MICAL3: variants seen among roughly 807,000 people sequenced by gnomAD.
MICAL3 encodes microtubule associated monooxygenase, calponin and LIM domain containing 3, also known as [F-actin]-monooxygenase MICAL3.
A neutral mutation model predicts 207.4 loss-of-function variants in MICAL3; 62 were observed. The ratio of observed to expected loss-of-function variants is 0.30; its 90% CI spans 0.24 to 0.37. The LOEUF is 0.37. MICAL3 is among the 10% of genes least tolerant of loss of function. The pLI is 1.00. For missense variants in MICAL3, 2,368 were observed against 2,635.6 expected (o/e 0.90, Z 2.22); for synonymous variants, 1,077 against 1,069.3 (o/e 1.01, Z -0.14).
At chr22:17,860,508 T>C (rs1231288844) in intron 19 of MICAL3, 4 of 985,344 alleles carry the variant, frequency 4.1e-6, no homozygotes, top group Middle Eastern at 5.2e-4. Context: ...AACCCCTTGG[T>C]GCCCTGCTCG....
rs145315722 is a variant in MICAL3 at position 17,796,020 on chromosome 22, G to A, written c.5651-4719C>T. Among the ~76,000 whole-genome samples the A allele has an allele frequency of 5.1e-4, 78 of 152,250 alleles. No homozygotes were observed. The highest frequency in any genetic ancestry group is 7.9e-4 in the Non-Finnish European group (54 of 68,014). On this transcript the variant is annotated intron_variant, in intron 29 of 31. Transcript: ENST00000441493. This position sits in a 1 kb window ranked among gnomAD's most constrained non-coding sequence, Gnocchi z 4.4. ...AGCTTCTGGCAAATGGAAGTTTTTT[G>A]GTTTTTCTCAACATCAGGGTAACGG...
intron 16 of MICAL3, chr22:17,876,824 G>GGTTATGGAGGTTAGGGAA (rs1928496651): frequency 1.1e-5 from 1 of 91,116 alleles, no homozygotes. Flanking sequence ...AGGTTAGGGA[G>GGTTATGGAGGTTAGGGAA]GTTATGGAGG....
chr22:18,010,282 A>G (rs1381598030), intron 1 of MICAL3, among the ~76,000 whole-genome samples: 23 of 150,936 alleles, frequency 1.5e-4, no homozygotes, highest in Non-Finnish European at 2.8e-4. Flanking sequence ...CTTCGCTCCC[A>G]TTTGAGATCA....
At chr22:17,831,788 A>G (rs1922837990) in intron 21 of MICAL3, 66 bp downstream of exon 21, 1 of 1,513,654 alleles carries the variant, frequency 6.6e-7, no homozygotes, top group Non-Finnish European at 8.9e-7. Flanking sequence ...AACCTCTTAC[A>G]CTCACGCATG....
At chr22:17,800,677 A>G (rs772113616) in intron 29 of MICAL3, among the ~76,000 whole-genome samples, 1 of 151,992 alleles carries the variant, frequency 6.6e-6, no homozygotes, top group Non-Finnish European at 1.5e-5. Context: ...GGCTGCTTGG[A>G]GCTTTGCTCT....
intron 19 of MICAL3, among the ~76,000 whole-genome samples, chr22:17,854,287 C>T (rs1446779904): frequency 6.6e-6 from 1 of 152,156 alleles, no homozygotes; most frequent in African/African-American, 2.4e-5. Flanking sequence ...CCACAAGGCA[C>T]AGGAAGCCCT....
At chr22:17,976,105 A>G (rs1207731337) in intron 1 of MICAL3, among the ~76,000 whole-genome samples, 2 of 152,178 alleles carry the variant, frequency 1.3e-5, no homozygotes, top group African/African-American at 4.8e-5. Flanking sequence ...CGGCCAACAG[A>G]ACATCAGTAT....
At chr22:17,959,406 A>AAG (rs201119378) in intron 1 of MICAL3, among the ~76,000 whole-genome samples, 9,787 of 148,318 alleles carry the variant, frequency 0.066, 662 homozygotes, top group African/African-American at 0.18. Flanking sequence ...CCTCTGACCC[A>AAG]CAGGTTCAAG....
chr22:17,952,024 A>C (rs1934374527), intron 1 of MICAL3, among the ~76,000 whole-genome samples: 1 of 152,132 alleles, frequency 6.6e-6, no homozygotes. Context: ...GCCCCACAAG[A>C]GCCAAATCAC....
In MICAL3 at chr22:17,820,891, C is replaced by T. The variant is rs993661763; in HGVS notation, c.3531+536G>A. Among the ~76,000 whole-genome samples the T allele has an allele frequency of 8.9e-4, 119 of 133,180 alleles. 1 individual carries two copies. The highest frequency in any genetic ancestry group is 2.8e-3 in the African/African-American group (103 of 36,460). The allele number at this position is 133,180 out of a possible 152,430, so 87.4% of individuals were successfully genotyped here. Reference sequence around the variant, plus strand: ...ATTTTAATAAATTTATATTTATAAACATAAATTTTAATAAATTTATATTTA... The same window carrying T: ...ATTTTAATAAATTTATATTTATAAATATAAATTTTAATAAATTTATATTTA... On this transcript the variant is annotated intron_variant, in intron 25 of 31. Coordinates refer to ENST00000441493, the MANE Select transcript of MICAL3 (RefSeq NM_015241.3).
intron 20 of MICAL3, among the ~76,000 whole-genome samples, chr22:17,833,100 AC>A (rs1386433969): frequency 1.3e-5 from 2 of 151,868 alleles, no homozygotes; most frequent in Non-Finnish European, 2.9e-5. Flanking sequence ...CACTACCCAA[AC>A]CGTAGCTCCT....
chr22:17,996,796 T>C (rs2092129290), intron 1 of MICAL3, among the ~76,000 whole-genome samples: 1 of 152,254 alleles, frequency 6.6e-6, no homozygotes, highest in African/African-American at 2.4e-5. Flanking sequence ...TGCATTGAAG[T>C]ACACCGGAAG....
At chr22:17,932,431 A>C (rs1933311733) in intron 1 of MICAL3, among the ~76,000 whole-genome samples, 1 of 152,224 alleles carries the variant, frequency 6.6e-6, no homozygotes, top group African/African-American at 2.4e-5. Flanking sequence ...AAATGCTGAG[A>C]GATTTTGTTA....
At chr22:17,951,460 C>T (rs1323251219) in intron 1 of MICAL3, among the ~76,000 whole-genome samples, 1 of 151,676 alleles carries the variant, frequency 6.6e-6, no homozygotes, top group East Asian at 1.9e-4. Flanking sequence ...CTGTGTGACG[C>T]ATGACACACT....
intron 1 of MICAL3, among the ~76,000 whole-genome samples, chr22:17,998,106 A>T (rs1017973452): frequency 6.6e-6 from 1 of 152,190 alleles, no homozygotes; most frequent in Non-Finnish European, 1.5e-5. Flanking sequence ...GTTCGAGACC[A>T]GCCTGACCAA....
intron 19 of MICAL3, 104 bp downstream of exon 19, chr22:17,864,794 CG>C (rs1926897790): frequency 6.2e-7 from 1 of 1,613,774 alleles, no homozygotes; most frequent in Non-Finnish European, 8.5e-7. Flanking sequence ...ACTTGTTGCC[CG>C]AATGAAGAAA....
rs142877127 is a variant in MICAL3 at position 17,826,068 on chromosome 22, T to C, written c.3193+1576A>G. 5.8e-3 allele frequency among the ~76,000 whole-genome samples: 889 copies of C among 152,354 alleles called. 30 individuals carry two copies. The highest frequency in any genetic ancestry group is 0.051 in the Admixed American group (784 of 15,302). On this transcript the variant is annotated intron_variant, in intron 22 of 31. Coordinates refer to ENST00000441493, the MANE Select transcript of MICAL3 (RefSeq NM_015241.3). ...TGGTTTTGACAGCCTCCTTCTCTGATAGCTTGGTAGGCTTGTGGAATATCT... is the reference window on the plus strand; with the variant it reads ...TGGTTTTGACAGCCTCCTTCTCTGACAGCTTGGTAGGCTTGTGGAATATCT...
chr22:17,799,775 A>G (rs1247746430), intron 29 of MICAL3, among the ~76,000 whole-genome samples: 1 of 152,178 alleles, frequency 6.6e-6, no homozygotes, highest in Non-Finnish European at 1.5e-5. Flanking sequence ...GGCCCAGTCT[A>G]GCATACACAT....
intron 1 of MICAL3, among the ~76,000 whole-genome samples, chr22:17,950,121 G>A (rs1393523378): frequency 2.0e-5 from 3 of 151,980 alleles, no homozygotes; most frequent in Non-Finnish European, 1.5e-5. Context: ...ACTCAGGCAA[G>A]GAAGAAGCAC....
Sources: gnomAD v4.1 joint callset for allele counts (sites outside exome capture counted in the v4.1 genomes callset) on GRCh38, gnomAD v4.1.1 for gene constraint, Gnocchi (gnomAD v3.1) non-coding constraint, MANE v1.5 for transcripts, NCBI Gene and HGNC (gene_info 2026-07-23, HGNC 2026-07-21) for gene names.